Variants in OPLAH observed in about 807,000 individuals in gnomAD.
The protein encoded by OPLAH is 5-oxoprolinase, ATP-hydrolysing, also known as 5-oxoprolinase.
Under a neutral mutation model 122.8 loss-of-function variants are expected in OPLAH, and 103 were observed. The observed-to-expected ratio is 0.84, with a 90% CI of 0.71 to 0.99. The LOEUF (loss-of-function observed/expected upper bound fraction) is 0.99. Among genes scored for constraint, OPLAH ranks in the 50% least tolerant of loss-of-function variants. The pLI is 0.00. For missense variants in OPLAH, 1,902 were observed against 1,836.5 expected (o/e 1.04, Z -0.65); for synonymous variants, 875 against 796.0 (o/e 1.10, Z -1.67).
rs781839814 is a variant in OPLAH at position 144,053,034 on chromosome 8, G to A, written c.2967C>T (p.His989=). ...GLPLEVSSED[H]MDDGSPIRLR... is the part of the protein sequence containing the mutation. The stretch of plus-strand genomic sequence containing the variant: ...GGCGGATGGGGGAACCGTCGTCCAT[G>A]TGGTCTTCCGAGGACACCTCCAGGG... The change falls in exon 21 of 27, where the codon CAC becomes CAT. Residue 989 remains histidine, a synonymous_variant. Coordinates refer to ENST00000618853, the MANE Select transcript of OPLAH (RefSeq NM_017570.5). 4 of 1,603,448 alleles carry A rather than the reference G, an allele frequency of 2.5e-6. No homozygotes were observed. The East Asian group carries it at 9.0e-5, about 36-fold the overall frequency.
Position 144,055,144 on chromosome 8 carries a change from ATGT to A in OPLAH, c.2291_2293del (p.Asn764del), listed in dbSNP as rs1554758688. On this transcript the variant is annotated inframe_deletion, in exon 17 of 27. Transcript: ENST00000618853. The surrounding 1 kb of genome is among the most constrained non-coding windows in gnomAD (Gnocchi z 6.5). ...ACAGGAGAAGTCCAGACGCTCCTTG[ATGT>A]TGGTGGAGATGGCTGTGCGCTGCAG... 1 of 1,580,714 alleles carries A rather than the reference ATGT, an allele frequency of 6.3e-7. No homozygotes were observed. The highest frequency in any genetic ancestry group is 1.2e-5 in the South Asian group (1 of 86,126).
At chr8:144,060,138 C>T in intron 1 of OPLAH, 53 bp from the exon 2 acceptor site, 1 of 1,294,702 alleles carries the variant, frequency 7.7e-7, no homozygotes, top group Non-Finnish European at 1.0e-6. Context: ...ACTAGAGGCT[C>T]CCCAGCCCTG....
At position 144,060,016 on chromosome 8, in the gene OPLAH, C is replaced by T. The variant is rs200846964; in HGVS notation, c.17G>A (p.Gly6Asp). The T allele has an allele frequency of 1.0e-4, 161 of 1,612,322 alleles. No homozygotes were observed. The African/African-American group carries it at 2.0e-3, about 20-fold the overall frequency. MGSPEGRFHFAIDRGG... is the reference protein window; with the variant it reads MGSPEDRFHFAIDRGG... ...ACGGTCGATGGCAAAGTGGAAGCGGCCCTCGGGGCTGCCCATGGTGGTGGG... is the reference window on the plus strand; with the variant it reads ...ACGGTCGATGGCAAAGTGGAAGCGGTCCTCGGGGCTGCCCATGGTGGTGGG... Residue 6 changes from glycine (G) to aspartate (D), a missense_variant, in exon 2 of 27, where the codon GGC (glycine) becomes GAC (aspartate). Around this residue, in one of 3 missense-constraint regions of OPLAH, gnomAD observed 168 missense variants for 170.6 expected, o/e 0.98. Transcript: ENST00000618853.
chr8:144,056,294 C>A (rs1317366499), intron 14 of OPLAH, 35 bp from the exon 15 acceptor site: 1 of 1,598,916 alleles, frequency 6.3e-7, no homozygotes, highest in Non-Finnish European at 8.6e-7. Context: ...GCGCCCGGGC[C>A]CAGCACCCTC....
intron 9 of OPLAH, 45 bp from the exon 10 acceptor site, chr8:144,057,758 G>A: frequency 6.2e-7 from 1 of 1,610,362 alleles, no homozygotes; most frequent in Non-Finnish European, 8.5e-7. Flanking sequence ...GGAGGCAGGG[G>A]AGCAGGAGTA....
At position 144,058,423 on chromosome 8, in the gene OPLAH, C is replaced by A. The variant is rs1453371120; in HGVS notation, c.784-19G>T. ...GCACATCCTGCGAGCGGGCAGCAGGCGGGCCATGAGGGGCAGGCCAAGGCC... is the reference window on the plus strand; with the variant it reads ...GCACATCCTGCGAGCGGGCAGCAGGAGGGCCATGAGGGGCAGGCCAAGGCC... On this transcript the variant is annotated intron_variant, in intron 6 of 26. Transcript: ENST00000618853. 9.5e-6 allele frequency: 15 copies of A among 1,585,676 alleles called. 1 individual carries two copies. The Admixed American group carries it at 2.0e-4, about 22-fold the overall frequency.
At chr8:144,061,160 C>T (rs149237108), upstream of OPLAH, among the ~76,000 whole-genome samples, 515 of 152,348 alleles carry the variant, frequency 3.4e-3, 3 homozygotes, top group African/African-American at 0.012. Flanking sequence ...CCTCCTTGTG[C>T]CAGAGGCGTG....
intron 25 of OPLAH, 37 bp from the exon 26 acceptor site, chr8:144,051,863 G>A (rs1210261306): frequency 1.0e-5 from 15 of 1,499,752 alleles, no homozygotes; most frequent in Non-Finnish European, 1.3e-5. Context: ...GAGACCAGGG[G>A]CGGGGGTGGG....
chr8:144,051,496 G>A (rs1835375338), intron 26 of OPLAH, 24 bp from the exon 27 acceptor site: 4 of 1,250,384 alleles, frequency 3.2e-6, no homozygotes, highest in African/African-American at 1.9e-5. Context: ...GGGGGGCGGG[G>A]AGGCGGGCTC....
chr8:144,054,690 G>T lies in OPLAH; in HGVS notation c.2557C>A (p.Arg853=). Residue 853 remains arginine, a synonymous_variant, in exon 19 of 27, where the codon CGA becomes AGA. Transcript: ENST00000618853. Reference sequence around the variant, plus strand: ...CCCCCGATGTCTGCGTGGTGCCCTCGGCTGGCCACATAGAACACAGGCCGC... The same window carrying T: ...CCCCCGATGTCTGCGTGGTGCCCTCTGCTGGCCACATAGAACACAGGCCGC... The part of the protein sequence containing the change: ...QTRPVFYVAS[R]GHHADIGGIT... 6.2e-7 allele frequency: 1 copy of T among 1,612,468 alleles called. No homozygotes were observed. Among genetic ancestry groups the T allele is most frequent in the South Asian group, 1.1e-5 (1 of 91,084 alleles).
chr8:144,058,755 C>T lies in OPLAH; in HGVS notation c.587+18G>A. On this transcript the variant is annotated intron_variant, in intron 5 of 26. Coordinates refer to ENST00000618853, the MANE Select transcript of OPLAH (RefSeq NM_017570.5). ...GCCCGGCACCTGCTCCCGCAGCCCACAGCCCCACCTCACTCACGTGTACGA... is the reference window on the plus strand; with the variant it reads ...GCCCGGCACCTGCTCCCGCAGCCCATAGCCCCACCTCACTCACGTGTACGA... 1.9e-6 allele frequency: 3 copies of T among 1,586,370 alleles called. No individual in the cohort carries two copies. Among genetic ancestry groups the T allele is most frequent in the Non-Finnish European group, 2.6e-6 (3 of 1,162,834 alleles).
chr8:144,058,512 A>G lies in OPLAH; in HGVS notation c.767T>C (p.Phe256Ser), dbSNP rs1308975450. ...CAGCCTCACCTTGAGTTGGCCCTGG[A>G]AGCCACGGCAGAAGCCCTGCACGTA... Reference protein sequence around the residue: ...QRYVQGFCRGFQGQLKDVQVL... With the variant: ...QRYVQGFCRGSQGQLKDVQVL... The change falls in exon 6 of 27, where the codon TTC becomes TCC. Residue 256 changes from phenylalanine to serine, a missense_variant. Phe to Ser is a radical substitution (Grantham distance 155). This residue lies in a region of OPLAH where 1,726 missense variants were observed against 1,642.1 expected (regional missense o/e 1.05). Coordinates refer to ENST00000618853, the MANE Select transcript of OPLAH (RefSeq NM_017570.5). 3.2e-6 allele frequency: 5 copies of G among 1,584,364 alleles called. No homozygotes were observed. Among genetic ancestry groups the G allele is most frequent in the Non-Finnish European group, 4.3e-6 (5 of 1,169,420 alleles).
intron 19 of OPLAH, among the ~76,000 whole-genome samples, chr8:144,054,336 C>A (rs1315788592): frequency 6.6e-6 from 1 of 152,226 alleles, no homozygotes; most frequent in Admixed American, 6.5e-5. Context: ...AACTCTCCAC[C>A]CGCAAAACCA....
upstream of OPLAH, among the ~76,000 whole-genome samples, chr8:144,061,524 G>GAA (rs113778211): frequency 2.1e-5 from 3 of 140,332 alleles, no homozygotes. Flanking sequence ...TCAAAAAAAA[G>GAA]AAAAAAAAAA....
rs930565646 is a variant in OPLAH, at chr8:144,052,021, G to C, written c.3517C>G (p.Arg1173Gly). The C allele has an allele frequency of 2.5e-6, 4 of 1,589,932 alleles. No homozygotes were observed. In the South Asian group the frequency reaches 4.4e-5, roughly 18 times the overall value. Reference sequence around the variant, plus strand: ...GTGACGCCGTCGCCGCCTCGGAAGCGGCCTCTGCCCCCCGAGCCCCGCCGC... The same window carrying C: ...GTGACGCCGTCGCCGCCTCGGAAGCCGCCTCTGCCCCCCGAGCCCCGCCGC... ...ELRRGSGGRG[R>G]FRGGDGVTRE... Residue 1173 changes from arginine to glycine, a missense_variant, in exon 25 of 27, where the codon CGC becomes GGC. Physicochemically the swap from Arg to Gly is moderately radical, Grantham distance 125. Coordinates refer to ENST00000618853, the MANE Select transcript of OPLAH (RefSeq NM_017570.5).
chr8:144,059,129 C>T lies in OPLAH; in HGVS notation c.364-50G>A, dbSNP rs182805071. The T allele has an allele frequency of 2.9e-5, 43 of 1,461,182 alleles. No individual in the cohort carries two copies. In the African/African-American group the frequency reaches 3.8e-4, roughly 13 times the overall value. The allele number at this position is 1,461,182 out of a possible 1,614,324, so 90.5% of individuals were successfully genotyped here. A position where few individuals can be genotyped will look rare whatever the true frequency, so the allele number is the denominator to read the frequency against. On this transcript the variant is annotated intron_variant, in intron 3 of 26. Coordinates refer to ENST00000618853, the MANE Select transcript of OPLAH (RefSeq NM_017570.5). Reference sequence around the variant, plus strand: ...GAGGCCCAGGCCTGAGGGTCCAGGCCGGGGTCCTGTGTGAGTGGGTGGTAC... The same window carrying T: ...GAGGCCCAGGCCTGAGGGTCCAGGCTGGGGTCCTGTGTGAGTGGGTGGTAC...
At position 144,051,271 on chromosome 8, in the gene OPLAH, G is replaced by T; in HGVS notation, c.*55C>A. 4.4e-6 allele frequency: 7 copies of T among 1,602,468 alleles called. No homozygotes were observed. Among genetic ancestry groups the T allele is most frequent in the Admixed American group, 1.7e-5 (1 of 57,418 alleles). On this transcript the variant is annotated 3_prime_UTR_variant, in exon 27 of 27. Coordinates refer to ENST00000618853, the MANE Select transcript of OPLAH (RefSeq NM_017570.5). ...ACACGACTCGGAGCACGAACTAGGC[G>T]CCGTAGCTGCGTCCCCAGAACCGGG...
rs1230135110 is a variant in OPLAH at position 144,052,458 on chromosome 8, G to T, written c.3294C>A (p.Ala1098=). Residue 1098 remains alanine, a synonymous_variant, in exon 23 of 27, where the codon GCC becomes GCA. Transcript: ENST00000618853. ...DVILGAFGAC[A]ASQGCMNNVT... is the part of the protein sequence containing the mutation. ...CACCCCGCCCCCGCACCTGGGAGGC[G>T]GCGCAGGCCCCAAAGGCCCCCAGGA... 5 of 1,538,878 alleles carry T rather than the reference G, an allele frequency of 3.2e-6. No individual in the cohort carries two copies. Among genetic ancestry groups the T allele is most frequent in the Non-Finnish European group, 3.5e-6 (4 of 1,147,750 alleles).
chr8:144,059,289 C>T (rs545234148), intron 3 of OPLAH, among the ~76,000 whole-genome samples: 2 of 152,316 alleles, frequency 1.3e-5, no homozygotes, highest in Admixed American at 6.5e-5. Context: ...TCCACCCCCA[C>T]GAAGGCAGCT....
Sources: gnomAD v4.1 joint callset for allele counts (sites outside exome capture counted in the v4.1 genomes callset) on GRCh38, gnomAD v4.1.1 for gene constraint, gnomAD v4.1.1 regional missense constraint, Gnocchi (gnomAD v3.1) non-coding constraint, MANE v1.5 for transcripts, NCBI Gene and HGNC (gene_info 2026-07-23, HGNC 2026-07-21) for gene names.